The following PTPRN2 variants were observed in gnomAD, a reference collection of about 807,000 sequenced individuals.
PTPRN2 encodes receptor-type tyrosine-protein phosphatase N2.
A neutral mutation model predicts 118.8 loss-of-function variants in PTPRN2; 74 were observed. That is an observed-to-expected ratio of 0.62 (90% CI 0.52 to 0.76). The LOEUF (loss-of-function observed/expected upper bound fraction) is 0.76, where lower values mean the gene tolerates loss of function less well. Ranked by LOEUF, PTPRN2 falls within the 30% of genes least tolerant of loss-of-function variation. PTPRN2 has a pLI of 0.00. For synonymous variants in PTPRN2, 641 were observed against 608.0 expected (o/e 1.05, Z -0.80); for missense variants, 1,481 against 1,394.4 (o/e 1.06, Z -0.99).
chr7:157,843,009 C>A (rs1808546817), intron 12 of PTPRN2, among the ~76,000 whole-genome samples: 2 of 152,200 alleles, frequency 1.3e-5, no homozygotes, highest in Admixed American at 1.3e-4. Flanking sequence ...AAGTCATGCT[C>A]TGTGAACATC....
At chr7:158,347,747 C>G (rs997521418) in intron 2 of PTPRN2, among the ~76,000 whole-genome samples, 2 of 152,082 alleles carry the variant, frequency 1.3e-5, no homozygotes, top group Non-Finnish European at 2.9e-5. Context: ...CATGGGATAC[C>G]TTCTATTTAT....
Position 158,071,711 on chromosome 7 carries a change from CCTG to C in PTPRN2, c.1723+9584_1723+9586del, listed in dbSNP as rs1314737059. ...TGGAGGTGCTTGTGGTGGAGGTGCT[CCTG>C]GTGGTGGAGGTGCTCGTGGTGGTGG... On this transcript the variant is annotated intron_variant, in intron 11 of 22. Transcript: ENST00000389418. Among the ~76,000 whole-genome samples the C allele has an allele frequency of 2.8e-3, 247 of 86,778 alleles. 1 individual carries two copies. Among genetic ancestry groups the C allele is most frequent in the Middle Eastern group, 0.013 (1 of 78 alleles). The allele number at this position is 86,778 out of a possible 152,430, so 56.9% of individuals were successfully genotyped here.
chr7:158,564,784 G>A (rs1827577697), intron 1 of PTPRN2, among the ~76,000 whole-genome samples: 1 of 152,232 alleles, frequency 6.6e-6, no homozygotes, highest in Non-Finnish European at 1.5e-5. Context: ...AGCTCAGCAC[G>A]GCAGACCACA....
At chr7:158,163,219 G>T (rs1300293588) in intron 6 of PTPRN2, among the ~76,000 whole-genome samples, 1 of 152,194 alleles carries the variant, frequency 6.6e-6, no homozygotes, top group Non-Finnish European at 1.5e-5. Flanking sequence ...TATTTCATAG[G>T]TGATGCCTAT....
At chr7:158,496,028 T>TGGGGGGCAGC (rs1554518059) in intron 1 of PTPRN2, among the ~76,000 whole-genome samples, 41 of 151,670 alleles carry the variant, frequency 2.7e-4, no homozygotes, top group African/African-American at 9.9e-4. Context: ...GGACAGGGCT[T>TGGGGGGCAGC]GGGGGGCAGC....
chr7:157,553,993 C>T (rs917476547), intron 21 of PTPRN2, among the ~76,000 whole-genome samples: 1 of 132,050 alleles, frequency 7.6e-6, no homozygotes, highest in South Asian at 2.6e-4. Flanking sequence ...CCTGCCCGCT[C>T]TCGTGCCCTC....
chr7:157,692,477 C>T (rs989003092), intron 12 of PTPRN2, among the ~76,000 whole-genome samples: 1 of 152,228 alleles, frequency 6.6e-6, no homozygotes, highest in Non-Finnish European at 1.5e-5. Flanking sequence ...GGGGGTTGTC[C>T]ACAGATATGA....
chr7:157,580,073 T>A (rs1336891348), intron 17 of PTPRN2, among the ~76,000 whole-genome samples: 1 of 152,190 alleles, frequency 6.6e-6, no homozygotes, highest in Non-Finnish European at 1.5e-5. Context: ...AGGTTCAATT[T>A]CTAATCGGGG....
intron 12 of PTPRN2, among the ~76,000 whole-genome samples, chr7:157,738,381 A>C (rs1369296972): frequency 6.6e-6 from 1 of 152,128 alleles, no homozygotes; most frequent in East Asian, 1.9e-4. Context: ...CAGAGGAGCG[A>C]AGGGAGGAGG....
rs1796930971 is a variant in PTPRN2 at position 157,893,539 on chromosome 7, G to C, written c.1788+5134C>G. Among the ~76,000 whole-genome samples the C allele has an allele frequency of 6.6e-6, 1 of 152,224 alleles. No homozygotes were observed. The highest frequency in any genetic ancestry group is 2.4e-5 in the African/African-American group (1 of 41,452). On this transcript the variant is annotated intron_variant, in intron 12 of 22. Coordinates refer to ENST00000389418, the MANE Select transcript of PTPRN2 (RefSeq NM_002847.5). This position sits in a 1 kb window ranked among gnomAD's most constrained non-coding sequence, Gnocchi z 4.0. ...TGAATCAATCTACTTCCTAGACAGAGCTTCACAAGGAGCAGTGATGCCATT... is the reference window on the plus strand; with the variant it reads ...TGAATCAATCTACTTCCTAGACAGACCTTCACAAGGAGCAGTGATGCCATT...
intron 11 of PTPRN2, among the ~76,000 whole-genome samples, chr7:157,959,479 G>A (rs1801386339): frequency 6.6e-6 from 1 of 152,210 alleles, no homozygotes; most frequent in Admixed American, 6.5e-5. Context: ...CTGATTAGGA[G>A]TATCTAGAAC....
intron 12 of PTPRN2, among the ~76,000 whole-genome samples, chr7:157,851,335 C>A (rs1279856365): frequency 2.0e-5 from 3 of 152,040 alleles, no homozygotes; most frequent in Non-Finnish European, 4.4e-5. Context: ...TCATAACAGG[C>A]ATTTGAACAT....
Position 157,979,383 on chromosome 7 carries a change from T to C in PTPRN2, c.1724-80646A>G, listed in dbSNP as rs143257155. 9.8e-4 allele frequency among the ~76,000 whole-genome samples: 149 copies of C among 152,332 alleles called. 1 individual carries two copies. The highest frequency in any genetic ancestry group is 3.5e-3 in the African/African-American group (145 of 41,586). On this transcript the variant is annotated intron_variant, in intron 11 of 22. Coordinates refer to ENST00000389418, the MANE Select transcript of PTPRN2 (RefSeq NM_002847.5). ...GGAAAAACCACCAAAGTTAAGAACA[T>C]TCCACATCTGAGAAAACACTTCACG...
At position 157,977,445 on chromosome 7, in the gene PTPRN2, G is replaced by A. The variant is rs1000022936; in HGVS notation, c.1724-78708C>T. Among the ~76,000 whole-genome samples, 1 of 151,948 alleles carries A rather than the reference G, an allele frequency of 6.6e-6. No homozygotes were observed. The highest frequency in any genetic ancestry group is 2.4e-5 in the African/African-American group (1 of 41,424). On this transcript the variant is annotated intron_variant, in intron 11 of 22. Transcript: ENST00000389418. This position sits in a 1 kb window ranked among gnomAD's most constrained non-coding sequence, Gnocchi z 4.6. ...CTCCTGAGGGGATACTCAAGCTGATGCCTGAATGCCAAGAGCCACCTGGGC... is the reference window on the plus strand; with the variant it reads ...CTCCTGAGGGGATACTCAAGCTGATACCTGAATGCCAAGAGCCACCTGGGC...
At chr7:157,624,267 A>G (rs1026947122) in intron 14 of PTPRN2, among the ~76,000 whole-genome samples, 7 of 152,266 alleles carry the variant, frequency 4.6e-5, no homozygotes, top group Non-Finnish European at 1.5e-5. Flanking sequence ...CTAAAAATAC[A>G]AAAATTAGTC....
rs1754951525 is a variant in PTPRN2 at position 157,869,566 on chromosome 7, C to T, written c.1788+29107G>A. ...GGCACTGAGGACCTTGGGAATTTAG[C>T]CACATCAATGCAGTCTTTTTCCCAT... On this transcript the variant is annotated intron_variant, in intron 12 of 22. Transcript: ENST00000389418. This position sits in a 1 kb window ranked among gnomAD's most constrained non-coding sequence, Gnocchi z 4.2. Among the ~76,000 whole-genome samples the T allele has an allele frequency of 6.6e-6, 1 of 152,136 alleles. No individual in the cohort carries two copies. The highest frequency in any genetic ancestry group is 1.9e-4 in the East Asian group (1 of 5,184).
intron 12 of PTPRN2, among the ~76,000 whole-genome samples, chr7:157,797,003 C>T (rs1237113296): frequency 6.6e-6 from 1 of 152,196 alleles, no homozygotes; most frequent in African/African-American, 2.4e-5. Flanking sequence ...TTCCGACTCG[C>T]CGCTCAGACG....
rs1811387783 is a variant in PTPRN2, at chr7:158,071,039, A to ATGGAGGTGCTCCTGGTGG, written c.1723+10258_1723+10259insCCACCAGGAGCACCTCCA. Among the ~76,000 whole-genome samples the ATGGAGGTGCTCCTGGTGG allele has an allele frequency of 3.1e-4, 5 of 16,130 alleles. No individual in the cohort carries two copies. The East Asian group carries it at 4.6e-3, about 15-fold the overall frequency. The allele number at this position is 16,130 out of a possible 152,430, so 10.6% of individuals were successfully genotyped here. On this transcript the variant is annotated intron_variant, in intron 11 of 22. Transcript: ENST00000389418. ...TGCTCGTGGTGGAGGTGCTCTTAGTATGGAGGTGCTCATGGTGGTGGAGGT... is the reference window on the plus strand; with the variant it reads ...TGCTCGTGGTGGAGGTGCTCTTAGTATGGAGGTGCTCCTGGTGGTGGAGGTGCTCATGGTGGTGGAGGT...
chr7:158,172,966 A>G (rs1823849030), intron 5 of PTPRN2, among the ~76,000 whole-genome samples: 1 of 144,426 alleles, frequency 6.9e-6, no homozygotes, highest in Non-Finnish European at 1.5e-5. Context: ...CATCCCCACC[A>G]TCATCATCAC....
Sources: gnomAD v4.1 joint callset for allele counts (sites outside exome capture counted in the v4.1 genomes callset) on GRCh38, gnomAD v4.1.1 for gene constraint, Gnocchi (gnomAD v3.1) non-coding constraint, MANE v1.5 for transcripts, NCBI Gene and HGNC (gene_info 2026-07-23, HGNC 2026-07-21) for gene names.